The following SUMF1 variants were observed in gnomAD, a reference collection of about 807,000 sequenced individuals.
SUMF1 encodes the protein formylglycine-generating enzyme.
In SUMF1, 48 loss-of-function variants were observed where a neutral mutation model predicts 47.6. The observed-to-expected ratio is 1.01, with a 90% CI of 0.80 to 1.28. SUMF1 has a LOEUF of 1.28. Among genes scored for constraint, SUMF1 ranks in the 50% most tolerant of loss-of-function variants. The pLI is 0.00. For missense variants in SUMF1, 571 were observed against 485.4 expected, an observed-to-expected ratio of 1.18 and a Z score of -1.66; for synonymous variants, 230 against 192.1, an observed-to-expected ratio of 1.20 and a Z score of -1.63.
chr3:4,118,399 G>C (rs1245749681), intron 8 of SUMF1, among the ~76,000 whole-genome samples: 3 of 151,656 alleles, frequency 2.0e-5, no homozygotes, highest in Non-Finnish European at 2.9e-5. Context: ...AAAAATCAAA[G>C]AAATGGAAAT....
intron 8 of SUMF1, among the ~76,000 whole-genome samples, chr3:4,274,635 G>T (rs1015332736): frequency 1.3e-5 from 2 of 152,170 alleles, no homozygotes; most frequent in African/African-American, 4.8e-5. Flanking sequence ...CCTATGAATA[G>T]GGATAGGTTT....
rs1373444234 is a variant in SUMF1 at position 4,362,094 on chromosome 3, G to A, written c.*50C>T. On this transcript the variant is annotated 3_prime_UTR_variant, in exon 9 of 9. Coordinates refer to ENST00000272902, the MANE Select transcript of SUMF1 (RefSeq NM_182760.4). ...TTCAAAGTTCTGAGAAAAGCCCAATGTAGGTCAGACACGACTGCTCCTTGG... is the reference window on the plus strand; with the variant it reads ...TTCAAAGTTCTGAGAAAAGCCCAATATAGGTCAGACACGACTGCTCCTTGG... 1 of 1,547,952 alleles carries A rather than the reference G, an allele frequency of 6.5e-7. No homozygotes were observed. The highest frequency in any genetic ancestry group is 1.4e-5 in the African/African-American group (1 of 73,420).
At chr3:4,100,075 T>A (rs371304682) in intron 8 of SUMF1, among the ~76,000 whole-genome samples, 44 of 150,996 alleles carry the variant, frequency 2.9e-4, no homozygotes, top group East Asian at 7.8e-4. Flanking sequence ...TTCCAATCCT[T>A]GGATTGGAAG....
intron 8 of SUMF1, among the ~76,000 whole-genome samples, chr3:4,242,796 T>G (rs1438494784): frequency 6.6e-6 from 1 of 152,160 alleles, no homozygotes; most frequent in African/African-American, 2.4e-5. Flanking sequence ...ATAAAATGAG[T>G]TAGGGAGGAT....
chr3:4,039,208 A>ATTTTTTTTTTTTTTTTTTTTTTTT (rs1213784165), intron 9 of SUMF1, among the ~76,000 whole-genome samples: 3 of 46,184 alleles, frequency 6.5e-5, no homozygotes, highest in East Asian at 1.0e-3. Context: ...CATCTATGCA[A>ATTTTTTTTTTTTTTTTTTTTTTTT]ATTTTTTTTT....
intron 8 of SUMF1, among the ~76,000 whole-genome samples, chr3:4,247,923 T>C (rs1393946561): frequency 6.6e-6 from 1 of 152,226 alleles, no homozygotes; most frequent in African/African-American, 2.4e-5. Flanking sequence ...TTGATCTCTC[T>C]GAGTCTCAAT....
At chr3:4,363,426 A>T (rs1699837474) in intron 8 of SUMF1, among the ~76,000 whole-genome samples, 1 of 152,028 alleles carries the variant, frequency 6.6e-6, no homozygotes, top group African/African-American at 2.4e-5. Context: ...TTCTCCTTGA[A>T]GAGGTCCTTC....
At chr3:4,334,647 C>A (rs1699110267) in intron 8 of SUMF1, among the ~76,000 whole-genome samples, 1 of 152,094 alleles carries the variant, frequency 6.6e-6, no homozygotes, top group Non-Finnish European at 1.5e-5. Context: ...AAGTTGGTAC[C>A]CTAAAAGACA....
At chr3:4,303,012 G>A (rs185686546) in intron 8 of SUMF1, among the ~76,000 whole-genome samples, 1 of 152,074 alleles carries the variant, frequency 6.6e-6, no homozygotes, top group Non-Finnish European at 1.5e-5. Context: ...GCGTTTCCCC[G>A]CTCGGTTTAG....
chr3:4,174,447 A>T (rs955810858), intron 8 of SUMF1, among the ~76,000 whole-genome samples: 1 of 151,680 alleles, frequency 6.6e-6, no homozygotes, highest in Non-Finnish European at 1.5e-5. Context: ...CTGTTATCCC[A>T]GGGGATAACA....
chr3:4,274,891 G>A (rs993976430), intron 8 of SUMF1, among the ~76,000 whole-genome samples: 5 of 152,070 alleles, frequency 3.3e-5, no homozygotes, highest in Non-Finnish European at 4.4e-5. Flanking sequence ...TATTTATTAC[G>A]GAATAACACC....
intron 8 of SUMF1, among the ~76,000 whole-genome samples, chr3:4,113,226 T>C (rs1350301998): frequency 6.6e-6 from 1 of 152,144 alleles, no homozygotes; most frequent in Non-Finnish European, 1.5e-5. Context: ...CTCTTCTAGC[T>C]ACTTTGAAAT....
At chr3:4,041,768 C>T (rs1267748684) in intron 9 of SUMF1, among the ~76,000 whole-genome samples, 1 of 152,178 alleles carries the variant, frequency 6.6e-6, no homozygotes, top group East Asian at 1.9e-4. Flanking sequence ...CTGTGTGCTA[C>T]CTGCATGAGC....
chr3:4,093,450 G>A (rs893917222), intron 8 of SUMF1, among the ~76,000 whole-genome samples: 1 of 152,024 alleles, frequency 6.6e-6, no homozygotes, highest in African/African-American at 2.4e-5. Flanking sequence ...AACACAGGGA[G>A]CAAGCACCTA....
chr3:4,122,879 T>C (rs939621300), intron 8 of SUMF1, among the ~76,000 whole-genome samples: 4 of 152,208 alleles, frequency 2.6e-5, no homozygotes, highest in African/African-American at 9.6e-5. Flanking sequence ...CACAGGGCAC[T>C]GTGTGGCTGA....
chr3:4,398,579 C>A (rs1461089630), intron 7 of SUMF1, among the ~76,000 whole-genome samples: 3 of 152,102 alleles, frequency 2.0e-5, no homozygotes, highest in Admixed American at 6.5e-5. Flanking sequence ...TATTACTTTA[C>A]AGCTCATTAA....
At chr3:4,414,749 T>G (rs1226166151) in intron 6 of SUMF1, 1 of 152,242 alleles carries the variant, frequency 6.6e-6, no homozygotes, top group African/African-American at 2.4e-5. Flanking sequence ...TTATTTCATA[T>G]TGAACATTGT....
chr3:4,079,063 A>G (rs1430773681), intron 8 of SUMF1, among the ~76,000 whole-genome samples: 1 of 152,046 alleles, frequency 6.6e-6, no homozygotes, highest in African/African-American at 2.4e-5. Context: ...TCTGTACCTC[A>G]GAGCAGTTCT....
At chr3:4,388,848 C>T (rs1177392084) in intron 7 of SUMF1, among the ~76,000 whole-genome samples, 1 of 152,054 alleles carries the variant, frequency 6.6e-6, no homozygotes. Context: ...TTTAACAGTT[C>T]CAGTGAAGCA....
Sources: allele counts gnomAD v4.1 joint callset (sites outside exome capture counted in the v4.1 genomes callset), GRCh38; gene constraint gnomAD v4.1.1; transcripts MANE v1.5; gene names NCBI Gene and HGNC (gene_info 2026-07-23, HGNC 2026-07-21).